Variants in TRMT10C observed in about 807,000 individuals in gnomAD.
The protein encoded by TRMT10C is tRNA methyltransferase 10 homolog C.
A neutral mutation model predicts 27.4 loss-of-function variants in TRMT10C; 14 were observed. That is an observed-to-expected ratio of 0.51 (90% CI 0.34 to 0.80). The LOEUF (loss-of-function observed/expected upper bound fraction) is 0.80. Ranked by LOEUF, TRMT10C falls within the 30% of genes least tolerant of loss-of-function variation. TRMT10C has a pLI of 0.02. For missense variants in TRMT10C, 438 were observed against 464.8 expected (o/e 0.94, Z 0.53); for synonymous variants, 143 against 155.9 (o/e 0.92, Z 0.62).
Position 101,564,945 on chromosome 3 carries a change from C to T in TRMT10C, c.164C>T (p.Thr55Ile). 28 of 1,613,752 alleles carry T rather than the reference C, an allele frequency of 1.7e-5. No individual in the cohort carries two copies. The highest frequency in any genetic ancestry group is 2.4e-5 in the Non-Finnish European group (28 of 1,179,940). ...PAVTYPKNES[T>I]PPSEELELDK... ...GTTACTTATCCTAAAAATGAGAGTA[C>T]ACCCCCTTCTGAAGAGCTAGAGTTG... Residue 55 changes from threonine (T) to isoleucine (I), a missense_variant, in exon 2 of 2, where the codon ACA becomes ATA. Physicochemically the swap from Thr to Ile is moderately conservative, Grantham distance 89 (BLOSUM62 -1). Transcript: ENST00000309922.
Position 101,565,687 on chromosome 3 carries a change from G to T in TRMT10C, c.906G>T (p.Arg302Ser), listed in dbSNP as rs759707695. 5 of 1,614,116 alleles carry T rather than the reference G, an allele frequency of 3.1e-6. No individual in the cohort carries two copies. In the South Asian group the frequency reaches 4.4e-5, roughly 14 times the overall value. The part of the protein sequence containing the change: ...ADSPNVMTTF[R>S]HDKVYVIGSF... ...CTCCCAATGTTATGACTACTTTCAGGCATGACAAAGTTTATGTAATTGGGT... is the reference window on the plus strand; with the variant it reads ...CTCCCAATGTTATGACTACTTTCAGTCATGACAAAGTTTATGTAATTGGGT... Residue 302 changes from arginine to serine, a missense_variant, in exon 2 of 2, where the codon AGG becomes AGT. Arg to Ser is a moderately radical substitution (Grantham distance 110, BLOSUM62 -1). Around this residue, in one of 3 missense-constraint regions of TRMT10C, gnomAD observed 350 missense variants for 370.5 expected, o/e 0.94. Coordinates refer to ENST00000309922, the MANE Select transcript of TRMT10C (RefSeq NM_017819.4).
Position 101,565,350 on chromosome 3 carries a change from C to G in TRMT10C, c.569C>G (p.Ala190Gly). The change falls in exon 2 of 2, where the codon GCA becomes GGA. Residue 190 changes from alanine (A) to glycine (G), a missense_variant. By Grantham distance (60) the Ala-to-Gly change is moderately conservative. Transcript: ENST00000309922. ...LRLWDRNMDI[A>G]MGWKGAQAMQ... ...CTTTGGGATAGGAATATGGACATAG[C>G]AATGGGCTGGAAGGGTGCCCAGGCC... The G allele has an allele frequency of 6.2e-7, 1 of 1,614,106 alleles. No homozygotes were observed. Among genetic ancestry groups the G allele is most frequent in the Non-Finnish European group, 8.5e-7 (1 of 1,180,016 alleles).
rs1165511195 is a variant in TRMT10C at position 101,564,822 on chromosome 3, T to G, written c.41T>G (p.Phe14Cys). The change falls in exon 2 of 2, where the codon TTC (phenylalanine) becomes TGC (cysteine). Residue 14 changes from phenylalanine to cysteine, a missense_variant. Phe to Cys is a radical substitution (Grantham distance 205). This residue lies in a region of TRMT10C where 350 missense variants were observed against 370.5 expected (regional missense o/e 0.94). Transcript: ENST00000309922. ...AAAATGAGTGTTAGTGTCAATTTCT[T>G]CAGACCTTTCACCAGGTTTTTGGTG... ...FLKMSVSVNF[F>C]RPFTRFLVPF... The G allele has an allele frequency of 1.9e-6, 3 of 1,609,120 alleles. No homozygotes were observed. Among genetic ancestry groups the G allele is most frequent in the East Asian group, 2.2e-5 (1 of 44,806 alleles).
Position 101,566,140 on chromosome 3 carries a change from C to A in TRMT10C, c.*147C>A. The A allele has an allele frequency of 1.1e-6, 1 of 893,784 alleles. No individual in the cohort carries two copies. 55.4% of individuals were successfully genotyped at this position (893,784 alleles called of 1,614,324 possible). A position where few individuals can be genotyped will look rare whatever the true frequency, so the allele number is the denominator to read the frequency against. On this transcript the variant is annotated 3_prime_UTR_variant, in exon 2 of 2. Coordinates refer to ENST00000309922, the MANE Select transcript of TRMT10C (RefSeq NM_017819.4). ...TTCATTTTTCTCTTCTAAAGGTAGT[C>A]TTTCCCAACTGACTGTAGGGTTGTG...
At chr3:101,564,324 C>G (rs1934473226) in intron 1 of TRMT10C, among the ~76,000 whole-genome samples, 1 of 143,530 alleles carries the variant, frequency 7.0e-6, no homozygotes. Context: ...GTGGCACAAT[C>G]TCGCCTCACT....
Position 101,565,834 on chromosome 3 carries a change from C to A in TRMT10C, c.1053C>A (p.Leu351=). 2 of 1,614,126 alleles carry A rather than the reference C, an allele frequency of 1.2e-6. No individual in the cohort carries two copies. Among genetic ancestry groups the A allele is most frequent in the Non-Finnish European group, 1.7e-6 (2 of 1,179,984 alleles). Residue 351 remains leucine (L), a synonymous_variant, in exon 2 of 2, where the codon CTC becomes CTA. Transcript: ENST00000309922. ...AATGGGAAATTGGTAACAAAAATCT[C>A]ACCTTAGATCAAATGATACGTATTT... ...YLQWEIGNKN[L]TLDQMIRILL...
At position 101,565,509 on chromosome 3, in the gene TRMT10C, T is replaced by C. The variant is rs1285563590; in HGVS notation, c.728T>C (p.Ile243Thr). 1 of 1,613,560 alleles carries C rather than the reference T, an allele frequency of 6.2e-7. No individual in the cohort carries two copies. The highest frequency in any genetic ancestry group is 1.1e-5 in the South Asian group (1 of 91,066). Residue 243 changes from isoleucine to threonine, a missense_variant, in exon 2 of 2, where the codon ATT (isoleucine) becomes ACT (threonine). Coordinates refer to ENST00000309922, the MANE Select transcript of TRMT10C (RefSeq NM_017819.4). Reference sequence around the variant, plus strand: ...AGAAGAAATGTTGATCCTTTCCATATTTATTTCTGCAATCTAAAAATAGAT... The same window carrying C: ...AGAAGAAATGTTGATCCTTTCCATACTTATTTCTGCAATCTAAAAATAGAT... Reference protein sequence around the residue: ...WNRRNVDPFHIYFCNLKIDGA... With the variant: ...WNRRNVDPFHTYFCNLKIDGA...
chr3:101,565,356 G>A lies in TRMT10C; in HGVS notation c.575G>A (p.Gly192Asp), dbSNP rs767731542. The A allele has an allele frequency of 1.2e-5, 20 of 1,614,146 alleles. No homozygotes were observed. In the South Asian group the frequency reaches 2.0e-4, roughly 16 times the overall value. ...GATAGGAATATGGACATAGCAATGG[G>A]CTGGAAGGGTGCCCAGGCCATGCAG... Reference protein sequence around the residue: ...LWDRNMDIAMGWKGAQAMQFG... With the variant: ...LWDRNMDIAMDWKGAQAMQFG... Residue 192 changes from glycine (G) to aspartate (D), a missense_variant, in exon 2 of 2, where the codon GGC becomes GAC. Transcript: ENST00000309922.
rs1934513311 is a variant in TRMT10C at position 101,566,247 on chromosome 3, A to G, written c.*254A>G. 2.2e-5 allele frequency: 8 copies of G among 361,982 alleles called. No homozygotes were observed. In the South Asian group the frequency reaches 3.9e-4, roughly 18 times the overall value. The allele number at this position is 361,982 out of a possible 1,614,324, so 22.4% of individuals were successfully genotyped here. On this transcript the variant is annotated 3_prime_UTR_variant, in exon 2 of 2. Coordinates refer to ENST00000309922, the MANE Select transcript of TRMT10C (RefSeq NM_017819.4). ...AAGATAATAAAAAGAGTTGTCCAAGATTGTTGAACAGAATAATCTTTATCC... is the reference window on the plus strand; with the variant it reads ...AAGATAATAAAAAGAGTTGTCCAAGGTTGTTGAACAGAATAATCTTTATCC...
intron 1 of TRMT10C, 173 bp downstream of exon 1, chr3:101,562,176 T>A (rs1030573637): frequency 1.3e-5 from 2 of 152,258 alleles, no homozygotes; most frequent in Admixed American, 1.3e-4. Context: ...AATCAGTGGT[T>A]CCTGAAATGA....
chr3:101,565,456 C>A lies in TRMT10C; in HGVS notation c.675C>A (p.Ser225=). 3.7e-6 allele frequency: 6 copies of A among 1,614,086 alleles called. No homozygotes were observed. The highest frequency in any genetic ancestry group is 5.1e-6 in the Non-Finnish European group (6 of 1,180,004). Residue 225 remains serine, a synonymous_variant, in exon 2 of 2, where the codon TCC becomes TCA. Transcript: ENST00000309922. ...GAAAAGAATTGCAGAATACTGTTTC[C>A]CAGCTTTTAGAAAGTGAAGGATGGA... ...MKRKELQNTV[S]QLLESEGWNR... is the part of the protein sequence containing the mutation.
Position 101,565,540 on chromosome 3 carries a change from T to G in TRMT10C, c.759T>G (p.Ala253=), listed in dbSNP as rs1934497275. ...TCTGCAATCTAAAAATAGATGGTGC[T>G]TTGCACAGAGAGTTAGTTAAACGGT... ...IYFCNLKIDG[A]LHRELVKRYQ... is the part of the protein sequence containing the mutation. The change falls in exon 2 of 2, where the codon GCT becomes GCG. Residue 253 remains alanine, a synonymous_variant. Transcript: ENST00000309922. The G allele has an allele frequency of 6.2e-7, 1 of 1,613,986 alleles. No homozygotes were observed. The highest frequency in any genetic ancestry group is 8.5e-7 in the Non-Finnish European group (1 of 1,179,930).
At chr3:101,563,303 A>G (rs1209777320) in intron 1 of TRMT10C, among the ~76,000 whole-genome samples, 1 of 152,042 alleles carries the variant, frequency 6.6e-6, no homozygotes, top group South Asian at 2.1e-4. Context: ...GATTACAGGC[A>G]TGCGCCACCA....
rs1227955554 is a variant in TRMT10C, at chr3:101,565,744, A to G, written c.963A>G (p.Thr321=). The change falls in exon 2 of 2, where the codon ACA becomes ACG. Residue 321 remains threonine, a synonymous_variant. Coordinates refer to ENST00000309922, the MANE Select transcript of TRMT10C (RefSeq NM_017819.4). ...SFVDKSMQPG[T]SLAKAKRLNL... The stretch of plus-strand genomic sequence containing the variant: ...TTGATAAGAGTATGCAGCCAGGCAC[A>G]TCCCTAGCCAAGGCAAAACGGCTGA... The G allele has an allele frequency of 6.2e-7, 1 of 1,614,242 alleles. No homozygotes were observed. Among genetic ancestry groups the G allele is most frequent in the Non-Finnish European group, 8.5e-7 (1 of 1,180,046 alleles).
rs757073718 is a variant in TRMT10C, at chr3:101,565,406, A to G, written c.625A>G (p.Met209Val). 2 of 1,614,098 alleles carry G rather than the reference A, an allele frequency of 1.2e-6. No individual in the cohort carries two copies. The highest frequency in any genetic ancestry group is 1.3e-5 in the African/African-American group (1 of 74,942). Residue 209 changes from methionine to valine, a missense_variant, in exon 2 of 2, where the codon ATG becomes GTG. By Grantham distance (21) the Met-to-Val change is conservative (BLOSUM62 1). Around this residue, in one of 3 missense-constraint regions of TRMT10C, gnomAD observed 350 missense variants for 370.5 expected, o/e 0.94. Coordinates refer to ENST00000309922, the MANE Select transcript of TRMT10C (RefSeq NM_017819.4). ...GTTTGGACAACCTTTGGTTTTTGACATGGCTTACGAAAATTATATGAAACG... is the reference window on the plus strand; with the variant it reads ...GTTTGGACAACCTTTGGTTTTTGACGTGGCTTACGAAAATTATATGAAACG... ...MQFGQPLVFD[M>V]AYENYMKRKE...
At position 101,565,911 on chromosome 3, in the gene TRMT10C, C is replaced by T. The variant is rs752079340; in HGVS notation, c.1130C>T (p.Pro377Leu). ...GNWQEALQFV[P>L]KRKHTGFLEI... Reference sequence around the variant, plus strand: ...TGGCAAGAGGCTCTGCAATTCGTTCCCAAGAGAAAACATACTGGTTTTCTG... The same window carrying T: ...TGGCAAGAGGCTCTGCAATTCGTTCTCAAGAGAAAACATACTGGTTTTCTG... The change falls in exon 2 of 2, where the codon CCC becomes CTC. Residue 377 changes from proline (P) to leucine (L), a missense_variant. By Grantham distance (98) the Pro-to-Leu change is moderately conservative (BLOSUM62 -3). Coordinates refer to ENST00000309922, the MANE Select transcript of TRMT10C (RefSeq NM_017819.4). 9.9e-6 allele frequency: 16 copies of T among 1,613,940 alleles called. No homozygotes were observed. Among genetic ancestry groups the T allele is most frequent in the Non-Finnish European group, 1.3e-5 (15 of 1,179,998 alleles).
chr3:101,562,479 C>G (rs1386310274), intron 1 of TRMT10C, among the ~76,000 whole-genome samples: 1 of 151,918 alleles, frequency 6.6e-6, no homozygotes, highest in Non-Finnish European at 1.5e-5. Flanking sequence ...ACAGTGAAAC[C>G]CCGTCTGTAC....
Position 101,566,194 on chromosome 3 carries a change from T to G in TRMT10C, c.*201T>G. ...TTTCCCAATTAAATATCTGCAGAAC[T>G]TTGGGATTATACTTTGTTTACTGTA... On this transcript the variant is annotated 3_prime_UTR_variant, in exon 2 of 2. Transcript: ENST00000309922. The G allele has an allele frequency of 1.9e-6, 1 of 539,406 alleles. No homozygotes were observed. The highest frequency in any genetic ancestry group is 3.3e-6 in the Non-Finnish European group (1 of 307,374). 33.4% of individuals were successfully genotyped at this position (539,406 alleles called of 1,614,324 possible).
At position 101,565,360 on chromosome 3, in the gene TRMT10C, G is replaced by A. The variant is rs760835016; in HGVS notation, c.579G>A (p.Trp193Ter). 6.2e-7 allele frequency: 1 copy of A among 1,614,176 alleles called. No homozygotes were observed. Among genetic ancestry groups the A allele is most frequent in the East Asian group, 2.2e-5 (1 of 44,882 alleles). ...WDRNMDIAMG[W>*]KGAQAMQFGQ... ...GGAATATGGACATAGCAATGGGCTG[G>A]AAGGGTGCCCAGGCCATGCAGTTTG... Residue 193 changes from tryptophan (W) to a stop codon, truncating the protein, a stop_gained, in exon 2 of 2, where the codon TGG becomes TGA. Transcript: ENST00000309922. LOFTEE classifies it high-confidence loss of function.
Sources: allele counts gnomAD v4.1 joint callset (sites outside exome capture counted in the v4.1 genomes callset), GRCh38; gene constraint gnomAD v4.1.1; regional missense constraint gnomAD v4.1.1; transcripts MANE v1.5; gene names NCBI Gene and HGNC (gene_info 2026-07-23, HGNC 2026-07-21).